PRKAG2: variants seen among roughly 807,000 people sequenced by gnomAD.
PRKAG2 encodes the protein protein kinase AMP-activated non-catalytic subunit gamma 2, also known as 5'-AMP-activated protein kinase subunit gamma-2.
PRKAG2 carries 26 observed loss-of-function variants against 69.6 expected under a neutral mutation model. That is an observed-to-expected ratio of 0.37 (90% CI 0.27 to 0.52). The LOEUF (loss-of-function observed/expected upper bound fraction) is 0.52, where lower values mean the gene tolerates loss of function less well. PRKAG2 is among the 20% of genes least tolerant of loss of function. The pLI, the probability that PRKAG2 is intolerant of heterozygous loss-of-function variation, is 0.90. For missense variants in PRKAG2, 557 were observed against 740.0 expected (o/e 0.75, Z 2.87); for synonymous variants, 293 against 285.0 (o/e 1.03, Z -0.28).
intron 8 of PRKAG2, among the ~76,000 whole-genome samples, chr7:151,572,976 A>G (rs1807950383): frequency 6.6e-6 from 1 of 151,934 alleles, no homozygotes; most frequent in African/African-American, 2.4e-5. Flanking sequence ...AGCCAGGCAT[A>G]TTGGTGGGTG....
At chr7:151,683,238 G>A (rs995341296) in intron 3 of PRKAG2, among the ~76,000 whole-genome samples, 17 of 152,286 alleles carry the variant, frequency 1.1e-4, no homozygotes, top group Non-Finnish European at 1.9e-4. Context: ...GCTGGCAGGC[G>A]CTGGAGAGGA....
chr7:151,742,401 G>A (rs927965265), intron 3 of PRKAG2, among the ~76,000 whole-genome samples: 10 of 152,198 alleles, frequency 6.6e-5, no homozygotes, highest in Non-Finnish European at 1.5e-4. Flanking sequence ...GCTGAGGCGG[G>A]TGGATCAAGG....
At position 151,681,231 on chromosome 7, in the gene PRKAG2, TG is replaced by T. The variant is rs11366262; in HGVS notation, c.467-5595del. Among the ~76,000 whole-genome samples, 1,038 of 152,308 alleles carry T rather than the reference TG, an allele frequency of 6.8e-3. 15 individuals carry two copies. Among genetic ancestry groups the T allele is most frequent in the African/African-American group, 0.023 (963 of 41,566 alleles). On this transcript the variant is annotated intron_variant, in intron 3 of 15. Transcript: ENST00000287878. ...GGGCCGAGGAGATGAGAAGGTGGAC[TG>T]TTCATTTGGGGGTGGGAACACCTCA...
rs529808913 is a variant in PRKAG2, at chr7:151,608,876, A to AT, written c.755-13423dup. On this transcript the variant is annotated intron_variant, in intron 5 of 15. Transcript: ENST00000287878. ...TGCACCTATGAAAGTGCCTCATGTG[A>AT]TTTTTTTCTCTTTCTTTCTTTCTTT... Among the ~76,000 whole-genome samples the AT allele has an allele frequency of 4.0e-5, 6 of 150,482 alleles. No homozygotes were observed. In the East Asian group the frequency reaches 5.9e-4, roughly 15 times the overall value.
chr7:151,777,010 C>A lies in PRKAG2; in HGVS notation c.466+4142G>T, dbSNP rs1335235839. On this transcript the variant is annotated intron_variant, in intron 3 of 15. Coordinates refer to ENST00000287878, the MANE Select transcript of PRKAG2 (RefSeq NM_016203.4). The surrounding 1 kb of genome is among the most constrained non-coding windows in gnomAD (Gnocchi z 4.3). ...CTCCCGAAGGTACAGCCCCCACATT[C>A]CTCAGCCCGCAGCTGGAGCTCCTGC... Among the ~76,000 whole-genome samples, 3 of 152,190 alleles carry A rather than the reference C, an allele frequency of 2.0e-5. No individual in the cohort carries two copies. Among genetic ancestry groups the A allele is most frequent in the Non-Finnish European group, 2.9e-5 (2 of 68,020 alleles).
At chr7:151,858,103 T>C (rs1048630227) in intron 1 of PRKAG2, among the ~76,000 whole-genome samples, 4 of 152,224 alleles carry the variant, frequency 2.6e-5, no homozygotes, top group Non-Finnish European at 5.9e-5. Flanking sequence ...CCCCAGCCTC[T>C]TCCACAGTCA....
chr7:151,565,325 G>T, intron 13 of PRKAG2, 21 bp downstream of exon 13: 2 of 1,371,400 alleles, frequency 1.5e-6, no homozygotes, highest in South Asian at 2.5e-5. Context: ...GTGACAGATT[G>T]AACAAAATTA....
chr7:151,558,851 T>G lies in PRKAG2; in HGVS notation c.1679-1619A>C, dbSNP rs1265170056. 4 of 985,286 alleles carry G rather than the reference T, an allele frequency of 4.1e-6. No individual in the cohort carries two copies. The South Asian group carries it at 1.9e-4, about 46-fold the overall frequency. 61.0% of individuals were successfully genotyped at this position (985,286 alleles called of 1,614,324 possible). A position where few individuals can be genotyped will look rare whatever the true frequency, so the allele number is the denominator to read the frequency against. On this transcript the variant is annotated intron_variant, in intron 15 of 15. Transcript: ENST00000287878. The stretch of plus-strand genomic sequence containing the variant: ...TGAAATACCAAATCTGGATGGAAAT[T>G]TGAACTCATCCAGCACAACCGTTCA...
intron 3 of PRKAG2, chr7:151,736,049 C>G (rs1024306893): frequency 6.5e-7 from 1 of 1,534,448 alleles, no homozygotes; most frequent in South Asian, 1.2e-5. Context: ...CCCACAGAAC[C>G]GGTGTCAGCC....
intron 1 of PRKAG2, among the ~76,000 whole-genome samples, chr7:151,800,841 G>A (rs1263306650): frequency 1.3e-5 from 2 of 152,094 alleles, no homozygotes; most frequent in Non-Finnish European, 2.9e-5. Flanking sequence ...TATGGACTTC[G>A]GTTAACAATA....
chr7:151,799,088 G>A (rs2077695619), intron 1 of PRKAG2, among the ~76,000 whole-genome samples: 1 of 152,092 alleles, frequency 6.6e-6, no homozygotes, highest in South Asian at 2.1e-4. Context: ...CGGGCCTGCT[G>A]CGGGTGCCCT....
At chr7:151,647,190 C>T (rs1827717688) in intron 4 of PRKAG2, among the ~76,000 whole-genome samples, 1 of 152,190 alleles carries the variant, frequency 6.6e-6, no homozygotes, top group African/African-American at 2.4e-5. Context: ...AACGTGGGTC[C>T]TAGGTGACAG....
chr7:151,567,318 T>G lies in PRKAG2; in HGVS notation c.1233+1398A>C, dbSNP rs184801642. ...GCAACCTTGGCAAAGCTACTTAACCTTTCTTAGCTGCATCCCTATAAAATA... is the reference window on the plus strand; with the variant it reads ...GCAACCTTGGCAAAGCTACTTAACCGTTCTTAGCTGCATCCCTATAAAATA... On this transcript the variant is annotated intron_variant, in intron 11 of 15. Transcript: ENST00000287878. This position sits in a 1 kb window ranked among gnomAD's most constrained non-coding sequence, Gnocchi z 4.2. Among the ~76,000 whole-genome samples the G allele has an allele frequency of 1.8e-4, 27 of 152,304 alleles. No individual in the cohort carries two copies. The highest frequency in any genetic ancestry group is 6.3e-4 in the African/African-American group (26 of 41,558).
chr7:151,757,588 G>C (rs1262153239), intron 3 of PRKAG2, among the ~76,000 whole-genome samples: 1 of 152,176 alleles, frequency 6.6e-6, no homozygotes, highest in East Asian at 1.9e-4. Context: ...TCTTGGAAAC[G>C]GACAGGGGGA....
intron 1 of PRKAG2, among the ~76,000 whole-genome samples, chr7:151,871,361 G>A (rs775380969): frequency 3.3e-5 from 5 of 152,194 alleles, no homozygotes; most frequent in South Asian, 2.1e-4. Flanking sequence ...GAGCCAAGGC[G>A]GGATGCCAAC....
At chr7:151,796,036 G>A (rs4236431) in intron 1 of PRKAG2, among the ~76,000 whole-genome samples, 105,748 of 149,944 alleles carry the variant, frequency 0.71, 37,717 homozygotes, top group African/African-American at 0.82. Flanking sequence ...TATTTTCTTA[G>A]TATACATATA....
At chr7:151,804,318 A>C (rs2077994058) in intron 1 of PRKAG2, among the ~76,000 whole-genome samples, 1 of 152,214 alleles carries the variant, frequency 6.6e-6, no homozygotes, top group Non-Finnish European at 1.5e-5. Context: ...TCCATACTTC[A>C]TATTTCCAGC....
At chr7:151,641,244 C>CTTTTTTTTTTTTTTTTTTTTTTTT (rs374667332) in intron 4 of PRKAG2, among the ~76,000 whole-genome samples, 2 of 105,710 alleles carry the variant, frequency 1.9e-5, no homozygotes, top group East Asian at 3.5e-4. Context: ...TTCTTTTTTC[C>CTTTTTTTTTTTTTTTTTTTTTTTT]TTTTTTTTTT....
chr7:151,851,511 G>A (rs2079568492), intron 1 of PRKAG2, among the ~76,000 whole-genome samples: 1 of 152,214 alleles, frequency 6.6e-6, no homozygotes, highest in African/African-American at 2.4e-5. Context: ...AATGGCCAGT[G>A]TGGGCAAGCA....
Sources: allele counts gnomAD v4.1 joint callset (sites outside exome capture counted in the v4.1 genomes callset), GRCh38; gene constraint gnomAD v4.1.1; non-coding constraint Gnocchi (gnomAD v3.1); transcripts MANE v1.5; gene names NCBI Gene and HGNC (gene_info 2026-07-23, HGNC 2026-07-21).